Variants in TCF12 observed in about 807,000 individuals in gnomAD.
TCF12 encodes DNA-binding protein HTF4.
A neutral mutation model predicts 86.0 loss-of-function variants in TCF12; 45 were observed. The ratio of observed to expected loss-of-function variants is 0.52; its 90% CI spans 0.41 to 0.67. TCF12 has a LOEUF of 0.67. Ranked by LOEUF, TCF12 falls within the 30% of genes least tolerant of loss-of-function variation. TCF12 has a pLI of 0.00. For synonymous variants in TCF12, 330 were observed against 299.6 expected, an observed-to-expected ratio of 1.10 and a Z score of -1.05; for missense variants, 881 against 859.9, an observed-to-expected ratio of 1.02 and a Z score of -0.31.
chr15:57,207,679 A>C (rs1486654943), intron 8 of TCF12, among the ~76,000 whole-genome samples: 3 of 152,264 alleles, frequency 2.0e-5, no homozygotes, highest in African/African-American at 7.2e-5. Context: ...CTCCGTCTCA[A>C]AAAACAACAA....
At chr15:57,054,773 C>CT (rs35859330) in intron 3 of TCF12, among the ~76,000 whole-genome samples, 310 of 24,178 alleles carry the variant, frequency 0.013, 109 homozygotes, top group African/African-American at 0.038. Context: ...AATGCCTCTG[C>CT]TTTTTTTTTT....
At chr15:57,072,832 T>C (rs1567363791) in intron 4 of TCF12, 3 of 623,392 alleles carry the variant, frequency 4.8e-6, no homozygotes. Flanking sequence ...AGGGTGTGTT[T>C]TAAAGTTAGG....
intron 4 of TCF12, among the ~76,000 whole-genome samples, chr15:57,072,202 A>G (rs915520553): frequency 5.3e-5 from 8 of 152,226 alleles, no homozygotes; most frequent in South Asian, 2.1e-4. Context: ...AAGAAATTTC[A>G]CAAAGGGGAA....
intron 3 of TCF12, among the ~76,000 whole-genome samples, chr15:56,940,584 C>G (rs1216284846): frequency 2.0e-5 from 3 of 148,616 alleles, no homozygotes; most frequent in Non-Finnish European, 4.5e-5. Context: ...TCTTCTCCTT[C>G]TCCTCCTCCT....
chr15:57,223,659 T>G (rs1033172598), intron 8 of TCF12, among the ~76,000 whole-genome samples: 9 of 144,416 alleles, frequency 6.2e-5, no homozygotes, highest in African/African-American at 2.3e-4. Flanking sequence ...TTTTTTTTTT[T>G]TTTTTTTTTT....
chr15:56,977,579 A>C (rs569018032), intron 3 of TCF12, among the ~76,000 whole-genome samples: 1 of 151,134 alleles, frequency 6.6e-6, no homozygotes, highest in African/African-American at 2.4e-5. Flanking sequence ...ATGTGTGGAG[A>C]GAGAGAGACA....
At chr15:56,918,542 C>T (rs2059603339), upstream of TCF12, 2 of 272,234 alleles carry the variant, frequency 7.3e-6, no homozygotes, top group Non-Finnish European at 1.5e-5. Flanking sequence ...CCCGACAGCT[C>T]CTCCCCGCCC....
intron 4 of TCF12, among the ~76,000 whole-genome samples, chr15:57,084,985 C>G (rs1045589491): frequency 1.3e-5 from 2 of 152,012 alleles, no homozygotes; most frequent in Admixed American, 1.3e-4. Flanking sequence ...AATACTTGCC[C>G]TTGTGCTAAG....
At chr15:56,971,659 G>A (rs1299646275) in intron 3 of TCF12, among the ~76,000 whole-genome samples, 1 of 152,152 alleles carries the variant, frequency 6.6e-6, no homozygotes, top group African/African-American at 2.4e-5. Flanking sequence ...GAAAGTGTAA[G>A]ATTTCACCAT....
At chr15:57,259,679 T>C (rs530694684) in intron 16 of TCF12, among the ~76,000 whole-genome samples, 1 of 152,292 alleles carries the variant, frequency 6.6e-6, no homozygotes, top group East Asian at 1.9e-4. Context: ...TAGCAGGCCT[T>C]GGGGTTTGCC....
At position 57,088,806 on chromosome 15, in the gene TCF12, A is replaced by G. The variant is rs564480489; in HGVS notation, c.223-2983A>G. Among the ~76,000 whole-genome samples the G allele has an allele frequency of 1.1e-4, 16 of 152,302 alleles. No homozygotes were observed. The South Asian group carries it at 3.3e-3, about 32-fold the overall frequency. ...AGATCTCTACTCGTTTGATAAGAAC[A>G]TTGAAGTCTACAAAGCATTGCTGTA... On this transcript the variant is annotated intron_variant, in intron 4 of 20. Coordinates refer to ENST00000333725, the MANE Select transcript of TCF12 (RefSeq NM_207037.2).
At chr15:57,103,766 A>G (rs945534008) in intron 5 of TCF12, among the ~76,000 whole-genome samples, 1 of 152,214 alleles carries the variant, frequency 6.6e-6, no homozygotes, top group African/African-American at 2.4e-5. Context: ...CTTACCTTTC[A>G]GACTGGGAGA....
chr15:57,242,241 A>G (rs2151966174), intron 12 of TCF12, among the ~76,000 whole-genome samples: 1 of 152,316 alleles, frequency 6.6e-6, no homozygotes, highest in East Asian at 1.9e-4. Flanking sequence ...CCTTTTTAAA[A>G]TATTTGACCA....
chr15:57,063,362 G>A (rs1040767008), intron 3 of TCF12, among the ~76,000 whole-genome samples: 1 of 152,090 alleles, frequency 6.6e-6, no homozygotes, highest in Admixed American at 6.5e-5. Flanking sequence ...TCATTTTCTA[G>A]GGCTTAACTA....
chr15:56,922,074 A>C (rs370129470), intron 3 of TCF12, among the ~76,000 whole-genome samples: 1 of 151,810 alleles, frequency 6.6e-6, no homozygotes, highest in Non-Finnish European at 1.5e-5. Flanking sequence ...GCAAGTCCCA[A>C]CTCTTCTCTC....
intron 3 of TCF12, among the ~76,000 whole-genome samples, chr15:56,936,165 T>C (rs186336926): frequency 2.6e-4 from 40 of 152,304 alleles, no homozygotes; most frequent in Admixed American, 2.2e-3. Context: ...TTTTTTATTA[T>C]GGCCATTCTT....
chr15:57,060,763 T>A (rs2068403166), intron 3 of TCF12, among the ~76,000 whole-genome samples: 1 of 152,208 alleles, frequency 6.6e-6, no homozygotes, highest in African/African-American at 2.4e-5. Flanking sequence ...CAGATTTTGG[T>A]CAATTTGTAT....
intron 8 of TCF12, among the ~76,000 whole-genome samples, chr15:57,227,943 A>G (rs761972536): frequency 3.5e-4 from 53 of 152,012 alleles, no homozygotes; most frequent in Admixed American, 6.6e-4. Flanking sequence ...CTTTCTCTTA[A>G]TTTTAAGATC....
intron 3 of TCF12, among the ~76,000 whole-genome samples, chr15:56,931,326 A>G (rs1595727676): frequency 6.6e-6 from 1 of 152,300 alleles, no homozygotes; most frequent in East Asian, 1.9e-4. Context: ...CTTTTGGGCC[A>G]AGGAGTGTGC....
Sources: gnomAD v4.1 joint callset for allele counts (sites outside exome capture counted in the v4.1 genomes callset) on GRCh38, gnomAD v4.1.1 for gene constraint, MANE v1.5 for transcripts, NCBI Gene and HGNC (gene_info 2026-07-23, HGNC 2026-07-21) for gene names.